ZFPM2: variants seen among roughly 807,000 people sequenced by gnomAD.
ZFPM2 encodes the protein zinc finger protein ZFPM2.
ZFPM2 carries 20 observed loss-of-function variants against 98.6 expected under a neutral mutation model. The ratio of observed to expected loss-of-function variants is 0.20; its 90% CI spans 0.14 to 0.29. The LOEUF is 0.29. Ranked by LOEUF, ZFPM2 falls within the 10% of genes least tolerant of loss-of-function variation. The pLI is 1.00. For synonymous variants in ZFPM2, 518 were observed against 502.7 expected, an observed-to-expected ratio of 1.03 and a Z score of -0.41; for missense variants, 1,310 against 1,388.6, an observed-to-expected ratio of 0.94 and a Z score of 0.90.
chr8:105,632,098 C>T (rs1816764859), intron 4 of ZFPM2, among the ~76,000 whole-genome samples: 1 of 152,102 alleles, frequency 6.6e-6, no homozygotes, highest in Non-Finnish European at 1.5e-5. Context: ...GGACTCCTTC[C>T]TCCGACTTGT....
At chr8:105,769,281 G>A (rs561696852) in intron 5 of ZFPM2, among the ~76,000 whole-genome samples, 94 of 152,026 alleles carry the variant, frequency 6.2e-4, no homozygotes, top group Non-Finnish European at 1.0e-3. Context: ...GCTAGACTTA[G>A]CTACTCAAGC....
rs1226483938 is a variant in ZFPM2 at position 105,501,660 on chromosome 8, C to T, written c.301+57279C>T. Among the ~76,000 whole-genome samples, 3 of 150,818 alleles carry T rather than the reference C, an allele frequency of 2.0e-5. No individual in the cohort carries two copies. The East Asian group carries it at 5.9e-4, about 30-fold the overall frequency. ...CTGGGACTACAGGCATGCACCACCACTCCTGGCTAATTTTTGCAGTTTCAC... is the reference window on the plus strand; with the variant it reads ...CTGGGACTACAGGCATGCACCACCATTCCTGGCTAATTTTTGCAGTTTCAC... On this transcript the variant is annotated intron_variant, in intron 3 of 7. Coordinates refer to ENST00000407775, the MANE Select transcript of ZFPM2 (RefSeq NM_012082.4).
chr8:105,545,786 G>T (rs540433951), intron 3 of ZFPM2, among the ~76,000 whole-genome samples: 9 of 152,198 alleles, frequency 5.9e-5, no homozygotes, highest in Non-Finnish European at 1.2e-4. Context: ...AAATCTAATG[G>T]CAGCCAGTAA....
At chr8:105,691,390 G>A (rs10111097) in intron 5 of ZFPM2, among the ~76,000 whole-genome samples, 50,599 of 140,334 alleles carry the variant, frequency 0.36, 12,131 homozygotes, top group African/African-American at 0.55. Flanking sequence ...CCGGGACTAC[G>A]GGCGCCCGCC....
At chr8:105,345,435 T>TTA (rs1812505098) in intron 1 of ZFPM2, among the ~76,000 whole-genome samples, 1 of 148,358 alleles carries the variant, frequency 6.7e-6, no homozygotes, top group Admixed American at 6.7e-5. Context: ...CTTTTTTTTT[T>TTA]TTTTTTTTTT....
intron 1 of ZFPM2, among the ~76,000 whole-genome samples, chr8:105,399,973 G>T (rs1352725369): frequency 1.3e-5 from 2 of 152,050 alleles, no homozygotes; most frequent in Non-Finnish European, 2.9e-5. Context: ...TCACCATGTT[G>T]GCCAGGCTGG....
intron 5 of ZFPM2, among the ~76,000 whole-genome samples, chr8:105,639,887 G>T (rs933055595): frequency 2.0e-5 from 3 of 151,928 alleles, no homozygotes; most frequent in African/African-American, 7.2e-5. Flanking sequence ...GCCTGTCTGG[G>T]AGCATATCAT....
At chr8:105,452,023 C>T (rs527804485) in intron 3 of ZFPM2, among the ~76,000 whole-genome samples, 7 of 151,996 alleles carry the variant, frequency 4.6e-5, no homozygotes, top group Admixed American at 6.6e-5. Flanking sequence ...GAATAATTTG[C>T]GAGAAAAATC....
chr8:105,436,019 G>A (rs184457748), intron 2 of ZFPM2, among the ~76,000 whole-genome samples: 1 of 152,240 alleles, frequency 6.6e-6, no homozygotes. Context: ...AGAATGTGCT[G>A]AAAGCAATTA....
intron 5 of ZFPM2, among the ~76,000 whole-genome samples, chr8:105,669,775 A>G (rs1817555011): frequency 6.6e-6 from 1 of 151,992 alleles, no homozygotes; most frequent in African/African-American, 2.4e-5. Flanking sequence ...CTTGCAAGCA[A>G]CTCCGACTAC....
chr8:105,679,743 G>C (rs887650053), intron 5 of ZFPM2, among the ~76,000 whole-genome samples: 3 of 149,938 alleles, frequency 2.0e-5, no homozygotes, highest in Non-Finnish European at 4.4e-5. Context: ...GCTACAGTGA[G>C]CTATAAGCAT....
intron 3 of ZFPM2, among the ~76,000 whole-genome samples, chr8:105,484,282 T>G (rs1340354457): frequency 1.3e-5 from 2 of 151,312 alleles, no homozygotes; most frequent in Non-Finnish European, 2.9e-5. Context: ...TCCATGTATC[T>G]TAATAAATTT....
intron 3 of ZFPM2, among the ~76,000 whole-genome samples, chr8:105,554,877 C>T (rs570866310): frequency 2.2e-4 from 33 of 152,148 alleles, no homozygotes; most frequent in African/African-American, 7.5e-4. Context: ...ATGTTCATAT[C>T]CTTTGCTTTC....
chr8:105,340,335 C>G lies in ZFPM2; in HGVS notation c.40+21354C>G, dbSNP rs1380890284. On this transcript the variant is annotated intron_variant, in intron 1 of 7. Coordinates refer to ENST00000407775, the MANE Select transcript of ZFPM2 (RefSeq NM_012082.4). The stretch of plus-strand genomic sequence containing the variant: ...CCTTGGGGAAATTGGAAAATCATCA[C>G]TCAGAAACGTACCCATAACAACAAA... 5.9e-5 allele frequency among the ~76,000 whole-genome samples: 9 copies of G among 151,998 alleles called. No individual in the cohort carries two copies. The East Asian group carries it at 1.7e-3, about 29-fold the overall frequency.
In ZFPM2 at chr8:105,536,455, T is replaced by C. The variant is rs148267231; in HGVS notation, c.302-24908T>C. 5.7e-3 allele frequency among the ~76,000 whole-genome samples: 865 copies of C among 152,210 alleles called. 5 individuals carry two copies. The highest frequency in any genetic ancestry group is 8.9e-3 in the Non-Finnish European group (605 of 68,004). On this transcript the variant is annotated intron_variant, in intron 3 of 7. Transcript: ENST00000407775. ...ACTGTGGAATCTTATCTTTTTTTTA[T>C]GCTGTACTCCTCAAGTTGAAGGTCA...
intron 4 of ZFPM2, among the ~76,000 whole-genome samples, chr8:105,608,514 A>G (rs1816240968): frequency 6.6e-6 from 1 of 150,916 alleles, no homozygotes; most frequent in South Asian, 2.1e-4. Context: ...CATTATTGCT[A>G]TGTAATGCCA....
intron 1 of ZFPM2, among the ~76,000 whole-genome samples, chr8:105,391,957 G>C (rs1366878069): frequency 6.6e-6 from 1 of 152,182 alleles, no homozygotes; most frequent in Non-Finnish European, 1.5e-5. Context: ...AAGCTTTTCA[G>C]ATTACTTTGT....
intron 5 of ZFPM2, among the ~76,000 whole-genome samples, chr8:105,778,482 G>GTGCA (rs1236610971): frequency 6.7e-6 from 1 of 149,182 alleles, no homozygotes; most frequent in East Asian, 1.9e-4. Context: ...ATGTGTCTGA[G>GTGCA]TGCATGCGTG....
At chr8:105,785,780 C>A (rs1409344918) in intron 5 of ZFPM2, among the ~76,000 whole-genome samples, 1 of 152,082 alleles carries the variant, frequency 6.6e-6, no homozygotes, top group Admixed American at 6.5e-5. Flanking sequence ...TGGTGGCTCA[C>A]GCCTGCAATC....
Sources: gnomAD v4.1 joint callset for allele counts (sites outside exome capture counted in the v4.1 genomes callset) on GRCh38, gnomAD v4.1.1 for gene constraint, MANE v1.5 for transcripts, NCBI Gene and HGNC (gene_info 2026-07-23, HGNC 2026-07-21) for gene names.